COX18: variants seen among roughly 807,000 people sequenced by gnomAD.
COX18 encodes the protein cytochrome c oxidase assembly factor COX18, also known as cytochrome c oxidase assembly protein COX18, mitochondrial.
A neutral mutation model predicts 38.0 loss-of-function variants in COX18; 45 were observed. That is an observed-to-expected ratio of 1.18 (90% CI 0.93 to 1.52). The LOEUF (loss-of-function observed/expected upper bound fraction) is 1.52, where lower values mean the gene tolerates loss of function less well. Among genes scored for constraint, COX18 ranks in the 40% most tolerant of loss-of-function variants. COX18 has a pLI of 0.00. For synonymous variants in COX18, 177 were observed against 169.8 expected (o/e 1.04, Z -0.33); for missense variants, 462 against 423.8 (o/e 1.09, Z -0.79).
chr4:73,062,164 C>T (rs1220064163), intron 4 of COX18, among the ~76,000 whole-genome samples: 1 of 152,036 alleles, frequency 6.6e-6, no homozygotes, highest in Non-Finnish European at 1.5e-5. Flanking sequence ...TCAAGTGATC[C>T]TCCCGCCTCC....
intron 5 of COX18, among the ~76,000 whole-genome samples, chr4:73,060,657 G>A (rs1463606720): frequency 3.3e-5 from 5 of 152,052 alleles, no homozygotes; most frequent in South Asian, 2.1e-4. Flanking sequence ...GAGGCGGGTG[G>A]ATCACCTGGG....
chr4:73,064,897 A>C lies in COX18; in HGVS notation c.604T>G (p.Phe202Val). The stretch of plus-strand genomic sequence containing the variant: ...GTAGCTAACTGTTCCTGAACAGAAA[A>C]ACCTGCTAAAACAGTTTTATAAATA... ...STGAAHSEAG[F>V]SVQEQLATGG... The change falls in exon 4 of 6, where the codon TTT becomes GTT. Residue 202 changes from phenylalanine (F) to valine (V), a missense_variant. By Grantham distance (50) the Phe-to-Val change is conservative. Transcript: ENST00000507544. The C allele has an allele frequency of 2.5e-6, 4 of 1,613,276 alleles. No homozygotes were observed. Among genetic ancestry groups the C allele is most frequent in the Non-Finnish European group, 3.4e-6 (4 of 1,179,662 alleles).
Position 73,061,909 on chromosome 4 carries a change from T to C in COX18, c.735A>G (p.Leu245=). 2 of 1,599,042 alleles carry C rather than the reference T, an allele frequency of 1.3e-6. No homozygotes were observed. The highest frequency in any genetic ancestry group is 8.6e-7 in the Non-Finnish European group (1 of 1,166,760). ...GAAAACGAGACATTCCAATTTTTTG[T>C]AGAGCACAAATCTGAAGGGGTAGAA... is the stretch of plus-strand genomic sequence containing the variant. ...INLLIVEICA[L]QKIGMSRFQT... The change falls in exon 5 of 6, where the codon CTA becomes CTG. Residue 245 remains leucine (L), a synonymous_variant. Coordinates refer to ENST00000507544, the MANE Select transcript of COX18 (RefSeq NM_001297732.2).
intron 3 of COX18, 99 bp from the exon 4 acceptor site, chr4:73,065,001 C>T (rs1357361533): frequency 6.6e-6 from 8 of 1,207,000 alleles, no homozygotes; most frequent in Admixed American, 2.2e-5. Flanking sequence ...AATAAGGTGT[C>T]CCTCACAGGA....
Position 73,069,119 on chromosome 4 carries a change from A to G in COX18, c.333+198T>C, listed in dbSNP as rs72861818. On this transcript the variant is annotated intron_variant, in intron 1 of 5. Transcript: ENST00000507544. Reference sequence around the variant, plus strand: ...AGAAATGACAGGTACACGTGTCACAAAGTATCTTATTTAACACACCTAATG... The same window carrying G: ...AGAAATGACAGGTACACGTGTCACAGAGTATCTTATTTAACACACCTAATG... 3.2e-3 allele frequency among the ~76,000 whole-genome samples: 483 copies of G among 152,362 alleles called. 4 individuals are homozygous for G. The highest frequency in any genetic ancestry group is 0.011 in the African/African-American group (456 of 41,584).
At chr4:73,065,172 C>CT (rs71215480) in intron 3 of COX18, 78 bp downstream of exon 3, 23 of 689,974 alleles carry the variant, frequency 3.3e-5, no homozygotes, top group South Asian at 1.1e-4. Context: ...GAAAAGTATG[C>CT]TTTTTTTTTT....
At chr4:73,067,210 C>T (rs919847487) in intron 2 of COX18, among the ~76,000 whole-genome samples, 1 of 152,200 alleles carries the variant, frequency 6.6e-6, no homozygotes, top group African/African-American at 2.4e-5. Flanking sequence ...TTGTTTTCTA[C>T]CTCCTCTTTC....
At chr4:73,068,382 AAT>A (rs1326487413) in intron 1 of COX18, among the ~76,000 whole-genome samples, 1 of 152,208 alleles carries the variant, frequency 6.6e-6, no homozygotes, top group East Asian at 1.9e-4. Context: ...TCACATATAA[AAT>A]ATATAACAGC....
intron 5 of COX18, among the ~76,000 whole-genome samples, chr4:73,059,495 G>C (rs1270731998): frequency 2.6e-5 from 4 of 152,084 alleles, no homozygotes; most frequent in Admixed American, 2.6e-4. Flanking sequence ...CAGTCTTTAG[G>C]GGCAGAAAGC....
At chr4:73,058,320 T>A (rs758046160) in intron 5 of COX18, 33 bp from the exon 6 acceptor site, 2 of 1,503,112 alleles carry the variant, frequency 1.3e-6, no homozygotes, top group South Asian at 2.4e-5. Flanking sequence ...TTAGCATCTG[T>A]AATTCTACAA....
chr4:73,065,196 T>TTTGTA, intron 3 of COX18, 54 bp downstream of exon 3: 1 of 1,183,500 alleles, frequency 8.4e-7, no homozygotes, highest in East Asian at 2.4e-5. Flanking sequence ...TTTTTTTTTT[T>TTTGTA]AGTACAAAGA....
intron 5 of COX18, among the ~76,000 whole-genome samples, chr4:73,059,863 C>T (rs112547799): frequency 3.1e-4 from 47 of 152,124 alleles, no homozygotes; most frequent in African/African-American, 1.1e-3. Context: ...CTCCCCTCTT[C>T]CTTAGTAACA....
chr4:73,061,879 C>T lies in COX18; in HGVS notation c.765G>A (p.Thr255=), dbSNP rs185785905. Residue 255 remains threonine (T), a synonymous_variant, in exon 5 of 6, where the codon ACG becomes ACA. Transcript: ENST00000507544. The part of the protein sequence containing the change: ...LQKIGMSRFQ[T]YITYFVRAMS... ...TTGCACGGACAAAGTACGTAATATA[C>T]GTCTGAAAACGAGACATTCCAATTT... 2.7e-5 allele frequency: 44 copies of T among 1,613,296 alleles called. No individual in the cohort carries two copies. In the Middle Eastern group the frequency reaches 1.2e-3, roughly 42 times the overall value.
chr4:73,067,841 CAAAAAAAAAA>C (rs1553907450), intron 2 of COX18, among the ~76,000 whole-genome samples, 178 bp downstream of exon 2: 2 of 1,996 alleles, frequency 1.0e-3, no homozygotes, highest in Admixed American at 0.017. Flanking sequence ...AACTCCGTCT[CAAAAAAAAAA>C]AAAAAAAAAA....
intron 3 of COX18, 109 bp downstream of exon 3, chr4:73,065,141 T>C (rs547071544): frequency 6.2e-4 from 677 of 1,088,080 alleles, no homozygotes; most frequent in Admixed American, 7.5e-4. Flanking sequence ...ATAAGGAAGA[T>C]AGTAAACATA....
In COX18 at chr4:73,068,112, T is replaced by C. The variant is rs1194696144; in HGVS notation, c.351A>G (p.Pro117=). 6.2e-7 allele frequency: 1 copy of C among 1,608,538 alleles called. No homozygotes were observed. Among genetic ancestry groups the C allele is most frequent in the East Asian group, 2.2e-5 (1 of 44,740 alleles). The part of the protein sequence containing the change: ...YILAKVENLQ[P]EIKTIARHLN... Reference sequence around the variant, plus strand: ...GATGCCTGGCAATAGTTTTTATTTCTGGCTGCAAATTTTCCACCTAGCTAA... The same window carrying C: ...GATGCCTGGCAATAGTTTTTATTTCCGGCTGCAAATTTTCCACCTAGCTAA... The change falls in exon 2 of 6, where the codon CCA becomes CCG. Residue 117 remains proline (P), a synonymous_variant. Coordinates refer to ENST00000507544, the MANE Select transcript of COX18 (RefSeq NM_001297732.2).
At chr4:73,061,168 T>A (rs1278175367) in intron 5 of COX18, among the ~76,000 whole-genome samples, 1 of 152,314 alleles carries the variant, frequency 6.6e-6, no homozygotes, top group South Asian at 2.1e-4. Context: ...AATAATACCA[T>A]ACACAAACCC....
At chr4:73,064,055 C>A (rs1010201969) in intron 4 of COX18, among the ~76,000 whole-genome samples, 49 of 152,130 alleles carry the variant, frequency 3.2e-4, no homozygotes, top group Non-Finnish European at 2.2e-4. Flanking sequence ...AAGGCCAAGG[C>A]GGGTGGATCA....
In COX18 at chr4:73,059,002, A is replaced by C. The variant is rs1477606963; in HGVS notation, c.832-715T>G. ...TCACAATAGGGTTCGTGCTATGAGA[A>C]TCTAATGCTGCTAATCTGACAGGAG... On this transcript the variant is annotated intron_variant, in intron 5 of 5. Coordinates refer to ENST00000507544, the MANE Select transcript of COX18 (RefSeq NM_001297732.2). Among the ~76,000 whole-genome samples, 3 of 152,126 alleles carry C rather than the reference A, an allele frequency of 2.0e-5. No homozygotes were observed. The East Asian group carries it at 5.8e-4, about 29-fold the overall frequency.
Sources: allele counts gnomAD v4.1 joint callset (sites outside exome capture counted in the v4.1 genomes callset), GRCh38; gene constraint gnomAD v4.1.1; transcripts MANE v1.5; gene names NCBI Gene and HGNC (gene_info 2026-07-23, HGNC 2026-07-21).